Variants in PCDHA12 observed in about 807,000 individuals in gnomAD.
PCDHA12 encodes protocadherin alpha-12.
PCDHA12 carries 44 observed loss-of-function variants against 60.0 expected under a neutral mutation model. The ratio of observed to expected loss-of-function variants is 0.73; its 90% CI spans 0.58 to 0.94. The LOEUF (loss-of-function observed/expected upper bound fraction) is 0.94. Among genes scored for constraint, PCDHA12 ranks in the 40% least tolerant of loss-of-function variants. The pLI is 0.00. For missense variants in PCDHA12, 1,276 were observed against 1,239.7 expected (o/e 1.03, Z -0.44); for synonymous variants, 569 against 553.0 (o/e 1.03, Z -0.40).
In PCDHA12 at chr5:140,875,833, G is replaced by A. The variant is rs782436615; in HGVS notation, c.361G>A (p.Val121Met). 1 of 1,614,220 alleles carries A rather than the reference G, an allele frequency of 6.2e-7. No homozygotes were observed. Among genetic ancestry groups the A allele is most frequent in the Non-Finnish European group, 8.5e-7 (1 of 1,180,044 alleles). The change falls in exon 1 of 4, where the codon GTG becomes ATG. Residue 121 changes from valine to methionine, a missense_variant. Coordinates refer to ENST00000398631, the MANE Select transcript of PCDHA12 (RefSeq NM_018903.4). ...GCCGCTGCAGGTTTTCCATGTGGAC[G>A]TGGAGGTGAAGGACATTAACGACAA... ...DRPLQVFHVD[V>M]EVKDINDNPP...
In PCDHA12 at chr5:140,946,631, T is replaced by TATAC. The variant is rs57893927; in HGVS notation, c.2368-32317_2368-32316insTACA. ...TGTGAAATATATATATATATATATA[T>TATAC]ACAATGGAATACTCATCAGCCATTA... On this transcript the variant is annotated intron_variant, in intron 1 of 3. Transcript: ENST00000398631. 2.4e-4 allele frequency among the ~76,000 whole-genome samples: 32 copies of TATAC among 131,838 alleles called. 1 individual carries two copies. The highest frequency in any genetic ancestry group is 4.2e-4 in the African/African-American group (12 of 28,706). 86.5% of individuals were successfully genotyped at this position (131,838 alleles called of 152,430 possible).
chr5:140,911,033 G>A lies in PCDHA12; in HGVS notation c.2367+33194G>A, dbSNP rs188656147. 2.0e-3 allele frequency among the ~76,000 whole-genome samples: 306 copies of A among 152,188 alleles called. 2 individuals are homozygous for A. The highest frequency in any genetic ancestry group is 7.0e-3 in the African/African-American group (291 of 41,532). On this transcript the variant is annotated intron_variant, in intron 1 of 3. Transcript: ENST00000398631. ...GGACTTTAGTCTAGTTATAGGTCTA[G>A]AAGCAAACAGGGGTGGTGGGGGGTG...
chr5:140,958,137 A>G (rs1237826000), intron 1 of PCDHA12, among the ~76,000 whole-genome samples: 2 of 152,112 alleles, frequency 1.3e-5, no homozygotes, highest in Admixed American at 6.6e-5. Flanking sequence ...ATCAGTGTGT[A>G]TATTTATATA....
intron 1 of PCDHA12, among the ~76,000 whole-genome samples, chr5:140,974,521 G>GT (rs1223492348): frequency 3.0e-4 from 45 of 152,208 alleles, no homozygotes; most frequent in African/African-American, 1.0e-3. Flanking sequence ...TTTTATTTTA[G>GT]TTTTTTTGAG....
intron 3 of PCDHA12, among the ~76,000 whole-genome samples, chr5:141,002,135 G>C (rs1265359430): frequency 2.6e-5 from 4 of 152,236 alleles, no homozygotes; most frequent in Admixed American, 2.6e-4. Flanking sequence ...AGCCTTTGCC[G>C]GCTGCACTGA....
chr5:140,927,621 A>G (rs141117468), intron 1 of PCDHA12: 25 of 1,614,198 alleles, frequency 1.5e-5, no homozygotes, highest in Middle Eastern at 3.3e-4. Context: ...CCAAGGTTCC[A>G]GAGACTGCAC....
intron 1 of PCDHA12, among the ~76,000 whole-genome samples, chr5:140,888,767 T>G (rs927723567): frequency 6.6e-6 from 1 of 152,048 alleles, no homozygotes; most frequent in Non-Finnish European, 1.5e-5. Flanking sequence ...TTTTTTTTAA[T>G]TTTGAAGGGA....
chr5:140,884,051 C>T (rs782045843), intron 1 of PCDHA12: 4 of 1,613,308 alleles, frequency 2.5e-6, no homozygotes, highest in Non-Finnish European at 2.5e-6. Context: ...GGCGAAGGTG[C>T]GCGCGGTGGA....
chr5:140,937,148 C>T (rs1400872734), intron 1 of PCDHA12, among the ~76,000 whole-genome samples: 6 of 151,842 alleles, frequency 4.0e-5, no homozygotes, highest in Non-Finnish European at 8.8e-5. Flanking sequence ...TGCCATTCTC[C>T]TGCCTCAGCC....
At chr5:140,913,379 C>T (rs1554195889) in intron 1 of PCDHA12, among the ~76,000 whole-genome samples, 1 of 152,134 alleles carries the variant, frequency 6.6e-6, no homozygotes, top group Non-Finnish European at 1.5e-5. Context: ...CATATAGTGG[C>T]TCATCATAGC....
rs782314357 is a variant in PCDHA12 at position 140,927,486 on chromosome 5, C to G, written c.2367+49647C>G. The G allele has an allele frequency of 6.2e-6, 10 of 1,614,128 alleles. No individual in the cohort carries two copies. In the East Asian group the frequency reaches 2.2e-4, roughly 36 times the overall value. ...CACTGGATCGCGAACAGCGCGCCACCCACCTGCTGGTGCTTACAGCTCGGG... is the reference window on the plus strand; with the variant it reads ...CACTGGATCGCGAACAGCGCGCCACGCACCTGCTGGTGCTTACAGCTCGGG... On this transcript the variant is annotated intron_variant, in intron 1 of 3. Coordinates refer to ENST00000398631, the MANE Select transcript of PCDHA12 (RefSeq NM_018903.4).
chr5:141,004,897 G>T (rs1455115465), intron 3 of PCDHA12, among the ~76,000 whole-genome samples: 1 of 152,154 alleles, frequency 6.6e-6, no homozygotes, highest in Non-Finnish European at 1.5e-5. Context: ...TGTCAGCTCT[G>T]CCAGGGTGTA....
At chr5:140,899,693 A>G (rs1269311819) in intron 1 of PCDHA12, among the ~76,000 whole-genome samples, 1 of 152,240 alleles carries the variant, frequency 6.6e-6, no homozygotes, top group East Asian at 1.9e-4. Flanking sequence ...TGCTGGCCTC[A>G]TAAAATGAGT....
In PCDHA12 at chr5:141,009,724, T is replaced by A. The variant is rs1554262325; in HGVS notation, c.2613T>A (p.Gly871=). The change falls in exon 4 of 4, where the codon GGT becomes GGA. Residue 871 remains glycine (G), a synonymous_variant. Transcript: ENST00000398631. ...KYGPGNPKQS[G]PGELPDKFII... is the part of the protein sequence containing the mutation. ...GACCAGGCAACCCCAAACAATCCGG[T>A]CCCGGTGAGTTGCCCGACAAATTCA... 6.2e-7 allele frequency: 1 copy of A among 1,614,116 alleles called. No individual in the cohort carries two copies. The highest frequency in any genetic ancestry group is 2.2e-5 in the East Asian group (1 of 44,868).
chr5:140,885,011 C>T (rs545880418), intron 1 of PCDHA12, among the ~76,000 whole-genome samples: 16 of 152,240 alleles, frequency 1.1e-4, no homozygotes, highest in Admixed American at 5.9e-4. Context: ...TGAGGCTAAT[C>T]GTAATCTTAA....
intron 1 of PCDHA12, chr5:140,883,811 G>C (rs782535066): frequency 6.2e-7 from 1 of 1,612,586 alleles, no homozygotes; most frequent in South Asian, 1.1e-5. Context: ...CGCGGAGAGC[G>C]GCAAGGTGTA....
Position 140,876,213 on chromosome 5 carries a change from T to G in PCDHA12, c.741T>G (p.Tyr247Ter), listed in dbSNP as rs782372222. The change falls in exon 1 of 4, where the codon TAT (tyrosine) becomes TAG (stop). Residue 247 changes from tyrosine to a stop codon, truncating the protein, a stop_gained. Transcript: ENST00000398631. LOFTEE classifies it high-confidence loss of function. ...GTCCGGCGTTTGATAAGCCCAGCTA[T>G]AAAGTAGTGTTGTCTGAAAATGTCC... ...DNGPAFDKPS[Y>*]KVVLSENVQN... The G allele has an allele frequency of 3.1e-6, 5 of 1,613,846 alleles. No individual in the cohort carries two copies. The East Asian group carries it at 1.1e-4, about 36-fold the overall frequency.
chr5:140,968,022 A>G (rs782399233), intron 1 of PCDHA12: 3 of 1,614,142 alleles, frequency 1.9e-6, no homozygotes, highest in South Asian at 2.2e-5. Flanking sequence ...GGAAACTCCT[A>G]TACACTGGTG....
intron 1 of PCDHA12, among the ~76,000 whole-genome samples, chr5:140,938,877 A>ACACACACACACACAGATG (rs2092241507): frequency 1.3e-5 from 2 of 150,854 alleles, no homozygotes; most frequent in South Asian, 4.2e-4. Context: ...TTAAGAAGCA[A>ACACACACACACACAGATG]CACACACACA....
Sources: allele counts gnomAD v4.1 joint callset (sites outside exome capture counted in the v4.1 genomes callset), GRCh38; gene constraint gnomAD v4.1.1; transcripts MANE v1.5; gene names NCBI Gene and HGNC (gene_info 2026-07-23, HGNC 2026-07-21).